Variants in ADIPOR1 observed in about 807,000 individuals in gnomAD.
The protein encoded by ADIPOR1 is adiponectin receptor protein 1.
In ADIPOR1, 15 loss-of-function variants were observed where a neutral mutation model predicts 37.5. That is an observed-to-expected ratio of 0.40 (90% CI 0.27 to 0.62). The LOEUF is 0.62. Ranked by LOEUF, ADIPOR1 falls within the 20% of genes least tolerant of loss-of-function variation. The pLI, the probability that ADIPOR1 is intolerant of heterozygous loss-of-function variation, is 0.42. For synonymous variants in ADIPOR1, 173 were observed against 173.2 expected, an observed-to-expected ratio of 1.00 and a Z score of 0.01; for missense variants, 286 against 478.0, an observed-to-expected ratio of 0.60 and a Z score of 3.75.
At position 202,941,414 on chromosome 1, in the gene ADIPOR1, C is replaced by T. The variant is rs1654077452; in HGVS notation, c.*159G>A. ...AGAATGGAAATGGAAAGTTTATTGC[C>T]CAGTGGGTGTGAAAGTGGGCTGAAG... On this transcript the variant is annotated 3_prime_UTR_variant, in exon 8 of 8. Transcript: ENST00000340990. 7 of 822,336 alleles carry T rather than the reference C, an allele frequency of 8.5e-6. No individual in the cohort carries two copies. Among genetic ancestry groups the T allele is most frequent in the Non-Finnish European group, 1.2e-5 (7 of 563,950 alleles). The allele number at this position is 822,336 out of a possible 1,614,324, so 50.9% of individuals were successfully genotyped here. A position where few individuals can be genotyped will look rare whatever the true frequency, so the allele number is the denominator to read the frequency against.
At chr1:202,941,990 C>A in intron 7 of ADIPOR1, 35 bp downstream of exon 7, 1 of 1,583,314 alleles carries the variant, frequency 6.3e-7, no homozygotes, top group South Asian at 1.2e-5. Flanking sequence ...TGTTCACTCA[C>A]CATCACAGGA....
chr1:202,951,623 T>C (rs939793927), intron 1 of ADIPOR1, among the ~76,000 whole-genome samples: 5 of 152,342 alleles, frequency 3.3e-5, no homozygotes, highest in Middle Eastern at 3.4e-3. Flanking sequence ...TAGAAATGAA[T>C]TAAATGCCAA....
In ADIPOR1 at chr1:202,947,516, C is replaced by CA. The variant is rs146658257; in HGVS notation, c.258+787dup. On this transcript the variant is annotated intron_variant, in intron 3 of 7. Transcript: ENST00000340990. The stretch of plus-strand genomic sequence containing the variant: ...GGGAGACAAGAGCAAAACTCTGTCT[C>CA]AAAAAAATATATATATATATATGGT... Among the ~76,000 whole-genome samples, 805 of 150,242 alleles carry CA rather than the reference C, an allele frequency of 5.4e-3. 3 individuals are homozygous for CA. Among genetic ancestry groups the CA allele is most frequent in the African/African-American group, 0.017 (684 of 40,384 alleles).
Position 202,943,897 on chromosome 1 carries a change from G to C in ADIPOR1, c.666C>G (p.Pro222=). Residue 222 remains proline (P), a synonymous_variant, in exon 6 of 8, where the codon CCC becomes CCG. Coordinates refer to ENST00000340990, the MANE Select transcript of ADIPOR1 (RefSeq NM_015999.6). ...IALLIMGSFV[P]WLYYSFYCSP... ...AGCAGTAGAAGGAATAATAGAGCCA[G>C]GGGACAAAGCTCCCCATAATTAGAA... 6.2e-7 allele frequency: 1 copy of C among 1,614,060 alleles called. No homozygotes were observed. Among genetic ancestry groups the C allele is most frequent in the Non-Finnish European group, 8.5e-7 (1 of 1,179,984 alleles).
Position 202,945,144 on chromosome 1 carries a change from T to C in ADIPOR1, c.456A>G (p.Gly152=). ...LLGFVLFLFL[G]ILTMLRPNMY... is the part of the protein sequence containing the mutation. ...TATTTGGTCTGAGCATGGTCAAGAT[T>C]CCCAAAAAGAGAAACAGCACGAAAC... Residue 152 remains glycine, a synonymous_variant, in exon 5 of 8, where the codon GGA becomes GGG. Coordinates refer to ENST00000340990, the MANE Select transcript of ADIPOR1 (RefSeq NM_015999.6). The C allele has an allele frequency of 6.2e-7, 1 of 1,608,748 alleles. No homozygotes were observed. The highest frequency in any genetic ancestry group is 8.5e-7 in the Non-Finnish European group (1 of 1,178,420).
intron 1 of ADIPOR1, among the ~76,000 whole-genome samples, chr1:202,952,893 T>C (rs1261755110): frequency 6.6e-6 from 1 of 152,226 alleles, no homozygotes; most frequent in Non-Finnish European, 1.5e-5. Flanking sequence ...TGAGTCATGC[T>C]ATGCTCAACC....
In ADIPOR1 at chr1:202,952,370, A is replaced by G. The variant is rs533830781; in HGVS notation, c.-94-1206T>C. The stretch of plus-strand genomic sequence containing the variant: ...GGAAACTTAAGCTTAGGGAGCCCCA[A>G]TCTTTTATATTGGGCAGTAAACATA... On this transcript the variant is annotated intron_variant, in intron 1 of 7. Coordinates refer to ENST00000340990, the MANE Select transcript of ADIPOR1 (RefSeq NM_015999.6). 4.5e-4 allele frequency among the ~76,000 whole-genome samples: 68 copies of G among 152,280 alleles called. 1 individual carries two copies. The highest frequency in any genetic ancestry group is 3.4e-3 in the Middle Eastern group (1 of 294).
intron 1 of ADIPOR1, among the ~76,000 whole-genome samples, chr1:202,957,138 CAG>C (rs1391455546): frequency 6.6e-6 from 1 of 152,192 alleles, no homozygotes; most frequent in Non-Finnish European, 1.5e-5. Flanking sequence ...AAATTCCTGG[CAG>C]TATACAGATA....
Position 202,941,484 on chromosome 1 carries a change from ACAACT to A in ADIPOR1, c.*84_*88del. 2 of 1,478,000 alleles carry A rather than the reference ACAACT, an allele frequency of 1.4e-6. No individual in the cohort carries two copies. The highest frequency in any genetic ancestry group is 9.0e-7 in the Non-Finnish European group (1 of 1,106,444). 91.6% of individuals were successfully genotyped at this position (1,478,000 alleles called of 1,614,324 possible). A position where few individuals can be genotyped will look rare whatever the true frequency, so the allele number is the denominator to read the frequency against. On this transcript the variant is annotated 3_prime_UTR_variant, in exon 8 of 8. Transcript: ENST00000340990. ...TCTAAGAGGTTTCTTCTAGAAACAG[ACAACT>A]CAGACTCTTCCTCTCACTTCAGCAA...
At chr1:202,946,115 CAAA>C (rs1558011546) in intron 4 of ADIPOR1, among the ~76,000 whole-genome samples, 1 of 151,592 alleles carries the variant, frequency 6.6e-6, no homozygotes, top group African/African-American at 2.4e-5. Flanking sequence ...GAAACCCAGA[CAAA>C]AAAGACCATT....
chr1:202,941,905 G>A (rs1266835830), intron 7 of ADIPOR1, 120 bp downstream of exon 7: 1 of 1,208,688 alleles, frequency 8.3e-7, no homozygotes, highest in Non-Finnish European at 1.1e-6. Context: ...TACCTTCAAT[G>A]CACATATATG....
chr1:202,949,108 A>G (rs192841830), intron 2 of ADIPOR1, among the ~76,000 whole-genome samples: 1 of 152,014 alleles, frequency 6.6e-6, no homozygotes, highest in East Asian at 1.9e-4. Flanking sequence ...CAAAACAACG[A>G]AAAAGACACA....
In ADIPOR1 at chr1:202,958,287, C is replaced by T. The variant is rs959790669; in HGVS notation, c.-197G>A. On this transcript the variant is annotated 5_prime_UTR_variant, in exon 1 of 8. Transcript: ENST00000340990. ...AGCGGCCCCGATCTTCAGCGCCCTC[C>T]CCGCGCCGGAAGGGGCGCGCGACCT... 2.0e-5 allele frequency: 3 copies of T among 152,250 alleles called. No individual in the cohort carries two copies. Among genetic ancestry groups the T allele is most frequent in the South Asian group, 2.1e-4 (1 of 4,844 alleles). 9.4% of individuals were successfully genotyped at this position (152,250 alleles called of 1,614,324 possible).
At chr1:202,953,159 G>C (rs917231956) in intron 1 of ADIPOR1, among the ~76,000 whole-genome samples, 2 of 151,872 alleles carry the variant, frequency 1.3e-5, no homozygotes, top group Non-Finnish European at 2.9e-5. Flanking sequence ...TTCTCAATAG[G>C]CTGACCTCAA....
chr1:202,943,843 G>A lies in ADIPOR1; in HGVS notation c.720C>T (p.Ser240=), dbSNP rs749328304. 6.2e-7 allele frequency: 1 copy of A among 1,614,208 alleles called. No homozygotes were observed. Among genetic ancestry groups the A allele is most frequent in the Non-Finnish European group, 8.5e-7 (1 of 1,180,026 alleles). ...CSPQPRLIYL[S]IVCVLGISAI... is the part of the protein sequence containing the mutation. ...CAGAAATGCCCAGGACACAGACGATGGAGAGGTAGATGAGCCGTGGCTGTG... is the reference window on the plus strand; with the variant it reads ...CAGAAATGCCCAGGACACAGACGATAGAGAGGTAGATGAGCCGTGGCTGTG... The change falls in exon 6 of 8, where the codon TCC becomes TCT. Residue 240 remains serine, a synonymous_variant. Coordinates refer to ENST00000340990, the MANE Select transcript of ADIPOR1 (RefSeq NM_015999.6).
rs1324339321 is a variant in ADIPOR1 at position 202,951,010 on chromosome 1, C to T, written c.61G>A (p.Glu21Lys). 6.2e-7 allele frequency: 1 copy of T among 1,614,052 alleles called. No individual in the cohort carries two copies. Among genetic ancestry groups the T allele is most frequent in the East Asian group, 2.2e-5 (1 of 44,892 alleles). The change falls in exon 2 of 8, where the codon GAA becomes AAA. Residue 21 changes from glutamate (E) to lysine (K), a missense_variant. By Grantham distance (56) the Glu-to-Lys change is moderately conservative. Coordinates refer to ENST00000340990, the MANE Select transcript of ADIPOR1 (RefSeq NM_015999.6). Reference protein sequence around the residue: ...QGNGAPASNREADTVELAELG... With the variant: ...QGNGAPASNRKADTVELAELG... ...TCAGCCAGTTCCACCGTGTCAGCTT[C>T]CCTGTTACTGGCAGGAGCCCCATTC...
Position 202,950,928 on chromosome 1 carries a change from A to T in ADIPOR1, c.141+2T>A, listed in dbSNP as rs1366852232. On this transcript the variant is annotated splice_donor_variant, in intron 2 of 7. Transcript: ENST00000340990. LOFTEE classifies it high-confidence loss of function. ...GGGATGACTCCTGGGAAGATGACTT[A>T]CTTTGGGTGGGTTGGCGATTACCCG... 2 of 1,614,052 alleles carry T rather than the reference A, an allele frequency of 1.2e-6. No individual in the cohort carries two copies. Among genetic ancestry groups the T allele is most frequent in the Non-Finnish European group, 1.7e-6 (2 of 1,180,038 alleles).
intron 1 of ADIPOR1, among the ~76,000 whole-genome samples, chr1:202,956,222 C>T (rs1654777688): frequency 6.6e-6 from 1 of 152,178 alleles, no homozygotes; most frequent in Non-Finnish European, 1.5e-5. Context: ...CCATAATTCA[C>T]AAAGCGTCTA....
upstream of ADIPOR1, chr1:202,958,356 C>G (rs1489782198): frequency 1.3e-5 from 2 of 152,646 alleles, no homozygotes; most frequent in Non-Finnish European, 2.9e-5. Context: ...GCGGGCTCTG[C>G]CTGGGCCCTC....
Sources: gnomAD v4.1 joint callset for allele counts (sites outside exome capture counted in the v4.1 genomes callset) on GRCh38, gnomAD v4.1.1 for gene constraint, MANE v1.5 for transcripts, NCBI Gene and HGNC (gene_info 2026-07-23, HGNC 2026-07-21) for gene names.